The following FHIP1A variants were observed in gnomAD, a reference collection of about 807,000 sequenced individuals.
FHIP1A encodes the protein FHF complex subunit HOOK interacting protein 1A.
A neutral mutation model predicts 88.6 loss-of-function variants in FHIP1A; 61 were observed. That is an observed-to-expected ratio of 0.69 (90% CI 0.56 to 0.85). The LOEUF is 0.85. Among genes scored for constraint, FHIP1A ranks in the 40% least tolerant of loss-of-function variants. The probability of loss-of-function intolerance (pLI) is 0.00; values close to 1 mark genes in which losing one functional copy is unlikely to be tolerated. For missense variants in FHIP1A, 1,154 were observed against 1,273.5 expected (o/e 0.91, Z 1.43); for synonymous variants, 478 against 496.0 (o/e 0.96, Z 0.48).
At chr4:151,630,581 A>G (rs1021888171) in intron 8 of FHIP1A, among the ~76,000 whole-genome samples, 6 of 152,206 alleles carry the variant, frequency 3.9e-5, no homozygotes, top group Admixed American at 6.5e-5. Context: ...TAAAATGTAT[A>G]CTGGAAGCCC....
intron 3 of FHIP1A, among the ~76,000 whole-genome samples, chr4:151,516,605 G>GA (rs968566144): frequency 6.6e-6 from 1 of 151,836 alleles, no homozygotes; most frequent in South Asian, 2.1e-4. Flanking sequence ...AAATTTACAA[G>GA]AAAAAAACAA....
chr4:151,469,244 C>A (rs1729430125), intron 2 of FHIP1A, among the ~76,000 whole-genome samples: 1 of 152,182 alleles, frequency 6.6e-6, no homozygotes, highest in African/African-American at 2.4e-5. Flanking sequence ...CTTGTCTACT[C>A]AGGCGTTACT....
At chr4:151,591,556 A>G (rs979880405) in intron 7 of FHIP1A, among the ~76,000 whole-genome samples, 1 of 152,028 alleles carries the variant, frequency 6.6e-6, no homozygotes, top group Non-Finnish European at 1.5e-5. Context: ...TGCACCCATC[A>G]ACTCGTCATC....
At chr4:151,443,092 G>A (rs1728467837) in intron 1 of FHIP1A, among the ~76,000 whole-genome samples, 1 of 152,000 alleles carries the variant, frequency 6.6e-6, no homozygotes, top group African/African-American at 2.4e-5. Flanking sequence ...ATAACATAGC[G>A]AGACCCTGTT....
At chr4:151,648,476 G>C (rs1489613233) in intron 10 of FHIP1A, among the ~76,000 whole-genome samples, 1 of 151,994 alleles carries the variant, frequency 6.6e-6, no homozygotes, top group African/African-American at 2.4e-5. Flanking sequence ...ATCCTTAAAA[G>C]CTCGATTCTG....
At chr4:151,653,075 C>T (rs10010061) in intron 11 of FHIP1A, among the ~76,000 whole-genome samples, 4,867 of 152,168 alleles carry the variant, frequency 0.032, 269 homozygotes, top group African/African-American at 0.11. Flanking sequence ...CAGAATGCGC[C>T]AGTGCTTTTA....
intron 1 of FHIP1A, among the ~76,000 whole-genome samples, chr4:151,419,406 C>T (rs1449796664): frequency 2.0e-5 from 3 of 152,122 alleles, no homozygotes; most frequent in African/African-American, 7.2e-5. Flanking sequence ...TCTATAATTG[C>T]GTAAGCCACT....
At chr4:151,479,282 T>C (rs1368273489) in intron 2 of FHIP1A, among the ~76,000 whole-genome samples, 1 of 152,068 alleles carries the variant, frequency 6.6e-6, no homozygotes, top group East Asian at 1.9e-4. Context: ...AGGTCACTCA[T>C]CCTCTCTGTG....
intron 1 of FHIP1A, among the ~76,000 whole-genome samples, chr4:151,440,896 G>C (rs1366991858): frequency 6.6e-6 from 1 of 152,076 alleles, no homozygotes; most frequent in Non-Finnish European, 1.5e-5. Context: ...AGTGCCCCTT[G>C]TCAGTTATCT....
At chr4:151,527,943 G>T (rs1359030782) in intron 3 of FHIP1A, among the ~76,000 whole-genome samples, 1 of 152,138 alleles carries the variant, frequency 6.6e-6, no homozygotes, top group Non-Finnish European at 1.5e-5. Context: ...TGCCAGGAAG[G>T]TATTGAATTT....
At chr4:151,550,200 G>T (rs1309424130) in intron 3 of FHIP1A, among the ~76,000 whole-genome samples, 5 of 151,856 alleles carry the variant, frequency 3.3e-5, no homozygotes, top group Non-Finnish European at 4.4e-5. Flanking sequence ...TAGATAATGG[G>T]GTATCCATCC....
intron 2 of FHIP1A, among the ~76,000 whole-genome samples, chr4:151,481,674 A>G (rs1327333026): frequency 6.6e-6 from 1 of 152,058 alleles, no homozygotes; most frequent in Non-Finnish European, 1.5e-5. Context: ...ATTTAAGTAT[A>G]GTATTTATTA....
Position 151,646,737 on chromosome 4 carries a change from A to G in FHIP1A, c.1406A>G (p.His469Arg). The change falls in exon 10 of 14, where the codon CAT becomes CGT. Residue 469 changes from histidine to arginine, a missense_variant. Physicochemically the swap from His to Arg is conservative, Grantham distance 29. Coordinates refer to ENST00000435205, the MANE Select transcript of FHIP1A (RefSeq NM_001109977.3). Reference sequence around the variant, plus strand: ...TATATTCTCTGGTCAAAGTGTATGCATGACACTTCAGGTAGGAACTCGCTA... The same window carrying G: ...TATATTCTCTGGTCAAAGTGTATGCGTGACACTTCAGGTAGGAACTCGCTA... ...RDYILWSKCMHDTSGPVERPF... is the reference protein window; with the variant it reads ...RDYILWSKCMRDTSGPVERPF... 5 of 1,546,292 alleles carry G rather than the reference A, an allele frequency of 3.2e-6. No homozygotes were observed. The highest frequency in any genetic ancestry group is 2.4e-5 in the East Asian group (1 of 40,828).
intron 3 of FHIP1A, among the ~76,000 whole-genome samples, chr4:151,523,655 A>T (rs563221796): frequency 7.9e-5 from 12 of 152,316 alleles, no homozygotes; most frequent in African/African-American, 2.6e-4. Flanking sequence ...CTCAGAGGTT[A>T]GACTGTGGTG....
intron 3 of FHIP1A, among the ~76,000 whole-genome samples, chr4:151,491,607 A>G (rs1240956411): frequency 1.3e-5 from 2 of 152,182 alleles, no homozygotes; most frequent in Non-Finnish European, 2.9e-5. Flanking sequence ...TATTGAGGCA[A>G]CAACTAGCAT....
intron 7 of FHIP1A, among the ~76,000 whole-genome samples, chr4:151,598,500 G>A (rs1474829150): frequency 6.6e-6 from 1 of 152,062 alleles, no homozygotes; most frequent in African/African-American, 2.4e-5. Context: ...GCCACCTCTA[G>A]TTATTCTATG....
intron 3 of FHIP1A, among the ~76,000 whole-genome samples, chr4:151,536,901 G>A (rs902909897): frequency 2.0e-5 from 3 of 151,994 alleles, no homozygotes; most frequent in Non-Finnish European, 4.4e-5. Context: ...TTTTGACAGT[G>A]TCTTACTCCG....
intron 9 of FHIP1A, among the ~76,000 whole-genome samples, chr4:151,639,009 G>A (rs374097630): frequency 1.3e-5 from 2 of 152,206 alleles, no homozygotes; most frequent in African/African-American, 4.8e-5. Flanking sequence ...TATGCTCCTG[G>A]AAATTATAGA....
intron 3 of FHIP1A, among the ~76,000 whole-genome samples, chr4:151,503,096 G>A (rs1019311247): frequency 2.0e-5 from 3 of 152,204 alleles, no homozygotes; most frequent in Non-Finnish European, 2.9e-5. Context: ...CACTTGCGGA[G>A]TCTAATTAAC....
Sources: gnomAD v4.1 joint callset for allele counts (sites outside exome capture counted in the v4.1 genomes callset) on GRCh38, gnomAD v4.1.1 for gene constraint, MANE v1.5 for transcripts, NCBI Gene and HGNC (gene_info 2026-07-23, HGNC 2026-07-21) for gene names.